CTNNA2: variants seen among roughly 807,000 people sequenced by gnomAD.
CTNNA2 encodes the protein catenin alpha-2.
Under a neutral mutation model 101.0 loss-of-function variants are expected in CTNNA2, and 42 were observed. That is an observed-to-expected ratio of 0.42 (90% CI 0.32 to 0.54). The LOEUF (loss-of-function observed/expected upper bound fraction) is 0.54. Ranked by LOEUF, CTNNA2 falls within the 20% of genes least tolerant of loss-of-function variation. CTNNA2 has a pLI of 0.14. For synonymous variants in CTNNA2, 450 were observed against 456.4 expected, an observed-to-expected ratio of 0.99 and a Z score of 0.18; for missense variants, 871 against 1,223.1, an observed-to-expected ratio of 0.71 and a Z score of 4.29.
intron 7 of CTNNA2, among the ~76,000 whole-genome samples, chr2:80,215,523 T>C (rs1246238047): frequency 6.6e-6 from 1 of 152,158 alleles, no homozygotes; most frequent in African/African-American, 2.4e-5. Context: ...TTGCTGGAGG[T>C]CGACTCCAGA....
At chr2:79,952,548 G>A (rs556307134) in intron 7 of CTNNA2, among the ~76,000 whole-genome samples, 1 of 152,122 alleles carries the variant, frequency 6.6e-6, no homozygotes, top group Non-Finnish European at 1.5e-5. Flanking sequence ...TAAAAAATGA[G>A]GTAAAAAATT....
intron 2 of CTNNA2, among the ~76,000 whole-genome samples, chr2:79,309,824 C>T (rs73938176): frequency 0.086 from 13,044 of 152,070 alleles, 602 homozygotes; most frequent in African/African-American, 0.1. Context: ...AAACAATGGC[C>T]CACTATAATT....
chr2:80,001,288 T>C (rs995927773), intron 7 of CTNNA2, among the ~76,000 whole-genome samples: 11 of 152,130 alleles, frequency 7.2e-5, no homozygotes, highest in African/African-American at 2.7e-4. Flanking sequence ...TTCTCTAGGG[T>C]TATGGCCAAA....
intron 9 of CTNNA2, among the ~76,000 whole-genome samples, chr2:80,488,921 G>A (rs1010000667): frequency 7.2e-5 from 11 of 152,158 alleles, no homozygotes; most frequent in South Asian, 2.1e-4. Context: ...ATATACACAC[G>A]TGTGCCCACA....
At chr2:79,814,608 T>TACACACAC (rs146240455) in intron 3 of CTNNA2, among the ~76,000 whole-genome samples, 1,483 of 145,172 alleles carry the variant, frequency 0.01, 16 homozygotes, top group Non-Finnish European at 0.01. Context: ...TATGTGTGTA[T>TACACACAC]ACACACACAC....
intron 4 of CTNNA2, among the ~76,000 whole-genome samples, chr2:79,424,031 T>C (rs1678567289): frequency 6.6e-6 from 1 of 151,972 alleles, no homozygotes; most frequent in South Asian, 2.1e-4. Context: ...CAAAAAATAA[T>C]AAGTTGTTTC....
intron 1 of CTNNA2, chr2:79,197,856 C>T (rs1038935791): frequency 2.0e-5 from 3 of 152,280 alleles, no homozygotes; most frequent in African/African-American, 7.2e-5. Flanking sequence ...TCACTGCAAC[C>T]TCCGCCTCCT....
intron 8 of CTNNA2, among the ~76,000 whole-genome samples, chr2:80,393,998 C>A (rs908745859): frequency 6.6e-6 from 1 of 152,160 alleles, no homozygotes; most frequent in South Asian, 2.1e-4. Context: ...GATTCTATCA[C>A]CCACTGAGTT....
At chr2:80,508,858 G>T (rs1688484891) in intron 9 of CTNNA2, among the ~76,000 whole-genome samples, 1 of 152,094 alleles carries the variant, frequency 6.6e-6, no homozygotes. Flanking sequence ...CCTCGACTTT[G>T]CAGGCTAGGA....
At chr2:79,563,161 G>GTATATATATATA (rs71385287) in intron 1 of CTNNA2, among the ~76,000 whole-genome samples, 113 of 78,588 alleles carry the variant, frequency 1.4e-3, no homozygotes, top group African/African-American at 4.9e-3. Flanking sequence ...ATAAAGATGT[G>GTATATATATATA]TATATATATA....
chr2:79,929,441 C>T (rs563045992), intron 7 of CTNNA2, among the ~76,000 whole-genome samples: 2 of 152,314 alleles, frequency 1.3e-5, no homozygotes, highest in East Asian at 3.9e-4. Flanking sequence ...AAAGCAAAAA[C>T]TTTAGAATAG....
chr2:80,092,354 A>G (rs547148207), intron 7 of CTNNA2, among the ~76,000 whole-genome samples: 2 of 152,200 alleles, frequency 1.3e-5, no homozygotes, highest in Admixed American at 6.5e-5. Context: ...AGTAAAAACA[A>G]TGTTCTAAAT....
intron 3 of CTNNA2, among the ~76,000 whole-genome samples, chr2:79,843,421 C>A (rs1387403386): frequency 6.6e-6 from 1 of 152,164 alleles, no homozygotes; most frequent in Non-Finnish European, 1.5e-5. Context: ...AATATAGCAG[C>A]CTTGGATTAG....
At chr2:79,594,610 C>T (rs1423736342) in intron 1 of CTNNA2, among the ~76,000 whole-genome samples, 2 of 152,162 alleles carry the variant, frequency 1.3e-5, no homozygotes, top group Non-Finnish European at 2.9e-5. Context: ...TTTGATCCTT[C>T]ATATCTGCAG....
chr2:79,365,151 CCTGTAGTCCCAGCTA>C (rs1677716473), intron 3 of CTNNA2, among the ~76,000 whole-genome samples: 1 of 151,996 alleles, frequency 6.6e-6, no homozygotes, highest in South Asian at 2.1e-4. Flanking sequence ...GTGGCGGGTG[CCTGTAGTCCCAGCTA>C]CTCAGGAGAC....
At chr2:80,538,266 CTTTTGCTGTT>C (rs1691226363) in intron 9 of CTNNA2, among the ~76,000 whole-genome samples, 1 of 152,096 alleles carries the variant, frequency 6.6e-6, no homozygotes. Flanking sequence ...GTTACTATTG[CTTTTGCTGTT>C]TTTTAGTCGT....
chr2:80,254,993 T>G (rs1672029536), intron 7 of CTNNA2, among the ~76,000 whole-genome samples: 1 of 151,996 alleles, frequency 6.6e-6, no homozygotes, highest in Admixed American at 6.6e-5. Flanking sequence ...AAATTGAACA[T>G]AATGAGCTCA....
intron 7 of CTNNA2, among the ~76,000 whole-genome samples, chr2:80,263,256 AT>A (rs1672753424): frequency 6.6e-6 from 1 of 152,200 alleles, no homozygotes; most frequent in South Asian, 2.1e-4. Flanking sequence ...AGAATATTAG[AT>A]TTTGTTAAAA....
chr2:79,535,467 G>T (rs1018480802), intron 1 of CTNNA2, among the ~76,000 whole-genome samples: 6 of 152,086 alleles, frequency 3.9e-5, no homozygotes, highest in African/African-American at 1.2e-4. Flanking sequence ...GCCTCCCAAA[G>T]TGCTAGGATT....
Sources: allele counts gnomAD v4.1 joint callset (sites outside exome capture counted in the v4.1 genomes callset), GRCh38; gene constraint gnomAD v4.1.1; transcripts MANE v1.5; gene names NCBI Gene and HGNC (gene_info 2026-07-23, HGNC 2026-07-21).